Variants in CPSF2 observed in about 807,000 individuals in gnomAD.
CPSF2 encodes the protein cleavage and polyadenylation specificity factor subunit 2.
In CPSF2, 51 loss-of-function variants were observed where a neutral mutation model predicts 84.2. The ratio of observed to expected loss-of-function variants is 0.61; its 90% CI spans 0.48 to 0.77. The LOEUF (loss-of-function observed/expected upper bound fraction) is 0.77. Ranked by LOEUF, CPSF2 falls within the 30% of genes least tolerant of loss-of-function variation. The pLI is 0.00. For missense variants in CPSF2, 641 were observed against 929.4 expected (o/e 0.69, Z 4.03); for synonymous variants, 286 against 311.9 (o/e 0.92, Z 0.87).
At chr14:92,133,028 C>T (rs2068953125) in intron 3 of CPSF2, among the ~76,000 whole-genome samples, 2 of 151,132 alleles carry the variant, frequency 1.3e-5, no homozygotes, top group African/African-American at 2.4e-5. Flanking sequence ...CGGTGGAGGT[C>T]GCAGTGAGCC....
chr14:92,154,286 C>A, intron 9 of CPSF2, 72 bp from the exon 10 acceptor site: 1 of 1,025,226 alleles, frequency 9.8e-7, no homozygotes, highest in Non-Finnish European at 1.4e-6. Context: ...TGTGATGTAT[C>A]TCATATCCCA....
chr14:92,124,540 CAT>C (rs1344192784), intron 1 of CPSF2, among the ~76,000 whole-genome samples: 3 of 152,146 alleles, frequency 2.0e-5, no homozygotes, highest in African/African-American at 7.2e-5. Context: ...TAGTCTGAGA[CAT>C]GTACATAAAC....
At chr14:92,125,386 G>A (rs2068832683) in intron 1 of CPSF2, among the ~76,000 whole-genome samples, 1 of 152,150 alleles carries the variant, frequency 6.6e-6, no homozygotes, top group Non-Finnish European at 1.5e-5. Flanking sequence ...TCATGTCGCA[G>A]AGCTATAAAA....
At chr14:92,139,741 G>A (rs35275430) in intron 7 of CPSF2, among the ~76,000 whole-genome samples, 24,617 of 151,058 alleles carry the variant, frequency 0.16, 2,241 homozygotes, top group East Asian at 0.41. Context: ...GTTTCGCCAT[G>A]TTGGCCAGGC....
At chr14:92,147,087 AC>A (rs1372132228) in intron 9 of CPSF2, among the ~76,000 whole-genome samples, 1 of 152,038 alleles carries the variant, frequency 6.6e-6, no homozygotes, top group Non-Finnish European at 1.5e-5. Context: ...TCCTCTTCCC[AC>A]CATCAACTAG....
At chr14:92,122,592 C>T (rs2068786965) in intron 1 of CPSF2, among the ~76,000 whole-genome samples, 1 of 152,238 alleles carries the variant, frequency 6.6e-6, no homozygotes, top group African/African-American at 2.4e-5. Context: ...AGAGACCTTT[C>T]GGTTGTTTGT....
chr14:92,135,842 C>T lies in CPSF2; in HGVS notation c.545+346C>T, dbSNP rs565503185. Among the ~76,000 whole-genome samples, 11 of 152,250 alleles carry T rather than the reference C, an allele frequency of 7.2e-5. No homozygotes were observed. In the South Asian group the frequency reaches 1.7e-3, roughly 23 times the overall value. ...GATGGGTTGTTCTTTTGTTTTGTAA[C>T]GTGATATGGTTTGGCTCTGTGTCCC... On this transcript the variant is annotated intron_variant, in intron 6 of 15. Coordinates refer to ENST00000298875, the MANE Select transcript of CPSF2 (RefSeq NM_017437.3).
intron 15 of CPSF2, 82 bp from the exon 16 acceptor site, chr14:92,161,570 C>G: frequency 1.1e-6 from 1 of 928,792 alleles, no homozygotes; most frequent in Non-Finnish European, 1.6e-6. Flanking sequence ...ATAAAGTAAT[C>G]TATTTCATAT....
At chr14:92,127,005 C>CA (rs2068852804) in intron 2 of CPSF2, among the ~76,000 whole-genome samples, 1 of 152,054 alleles carries the variant, frequency 6.6e-6, no homozygotes, top group African/African-American at 2.4e-5. Flanking sequence ...GGACAGTGAG[C>CA]TTATTTAATA....
At position 92,159,246 on chromosome 14, in the gene CPSF2, G is replaced by A. The variant is rs1446204009; in HGVS notation, c.2085G>A (p.Glu695=). The change falls in exon 14 of 16, where the codon GAG becomes GAA. Residue 695 remains glutamate (E), a synonymous_variant. Transcript: ENST00000298875. ...DDEKETGEES[E]IIPTLEPLPP... is the part of the protein sequence containing the mutation. ...AAAAAGAAACAGGTGAAGAAAGTGA[G>A]ATCATTCCTACTTTGGAACCCTTGC... The A allele has an allele frequency of 1.2e-6, 2 of 1,610,402 alleles. No individual in the cohort carries two copies. Among genetic ancestry groups the A allele is most frequent in the Non-Finnish European group, 1.7e-6 (2 of 1,177,886 alleles).
intron 7 of CPSF2, among the ~76,000 whole-genome samples, chr14:92,140,225 T>C (rs984880395): frequency 1.3e-5 from 2 of 151,958 alleles, no homozygotes; most frequent in African/African-American, 4.8e-5. Flanking sequence ...GTGCTGGGAT[T>C]ACAGGCGTGA....
rs1045076270 is a variant in CPSF2 at position 92,156,378 on chromosome 14, A to G, written c.1443-101A>G. The G allele has an allele frequency of 1.1e-5, 9 of 789,762 alleles. No individual in the cohort carries two copies. The African/African-American group carries it at 1.6e-4, about 14-fold the overall frequency. The allele number at this position is 789,762 out of a possible 1,614,324, so 48.9% of individuals were successfully genotyped here. On this transcript the variant is annotated intron_variant, in intron 11 of 15. Transcript: ENST00000298875. ...GGATGAAATGTATATTTAAATCTTG[A>G]GATATGTGAGGACTCCAAAAATTAT...
chr14:92,168,680 C>G lies in CPSF2; in HGVS notation c.*6936C>G, dbSNP rs1488273488. 1.3e-5 allele frequency: 2 copies of G among 152,116 alleles called. No individual in the cohort carries two copies. The highest frequency in any genetic ancestry group is 2.9e-5 in the Non-Finnish European group (2 of 68,042). 9.4% of individuals were successfully genotyped at this position (152,116 alleles called of 1,614,324 possible). A position where few individuals can be genotyped will look rare whatever the true frequency, so the allele number is the denominator to read the frequency against. On this transcript the variant is annotated 3_prime_UTR_variant, in exon 16 of 16. Transcript: ENST00000298875. ...ACTTTGGGAGGCCAAGGCAGGCATACTGCTTGAACTCAGGAGTTCAAGACC... is the reference window on the plus strand; with the variant it reads ...ACTTTGGGAGGCCAAGGCAGGCATAGTGCTTGAACTCAGGAGTTCAAGACC...
chr14:92,146,602 T>C (rs189727898), intron 9 of CPSF2, among the ~76,000 whole-genome samples: 20 of 152,352 alleles, frequency 1.3e-4, no homozygotes, highest in Admixed American at 1.3e-3. Flanking sequence ...TATATGTACA[T>C]TGTTGTATGA....
rs1264639295 is a variant in CPSF2 at position 92,142,156 on chromosome 14, T to C, written c.662-8T>C. On this transcript the variant is annotated splice_polypyrimidine_tract_variant and splice_region_variant and intron_variant, in intron 7 of 15. Transcript: ENST00000298875. Reference sequence around the variant, plus strand: ...GTTCTATGGGGATTTTACATTCTTGTTTTCTAGCAAATGTCCTGGAAACAC... The same window carrying C: ...GTTCTATGGGGATTTTACATTCTTGCTTTCTAGCAAATGTCCTGGAAACAC... 2 of 1,584,930 alleles carry C rather than the reference T, an allele frequency of 1.3e-6. No homozygotes were observed. The highest frequency in any genetic ancestry group is 1.7e-6 in the Non-Finnish European group (2 of 1,161,900).
intron 9 of CPSF2, among the ~76,000 whole-genome samples, chr14:92,152,424 C>T (rs948814615): frequency 2.0e-5 from 3 of 151,100 alleles, no homozygotes; most frequent in South Asian, 2.1e-4. Context: ...CCGTCGCGCC[C>T]GGCCTATTAT....
intron 9 of CPSF2, 87 bp downstream of exon 9, chr14:92,143,381 C>A: frequency 1.1e-6 from 1 of 939,784 alleles, no homozygotes. Flanking sequence ...AAAAATAAAA[C>A]TTGAAATTGT....
chr14:92,126,769 A>G (rs1393823058), intron 2 of CPSF2, among the ~76,000 whole-genome samples: 1 of 152,170 alleles, frequency 6.6e-6, no homozygotes, highest in Non-Finnish European at 1.5e-5. Flanking sequence ...GCACCACTGC[A>G]CTCCAGCCTG....
chr14:92,153,669 A>G (rs2069249809), intron 9 of CPSF2, among the ~76,000 whole-genome samples: 1 of 149,614 alleles, frequency 6.7e-6, no homozygotes, highest in Non-Finnish European at 1.5e-5. Context: ...GTCTCTGAGT[A>G]GCTGGGACTA....
Sources: allele counts gnomAD v4.1 joint callset (sites outside exome capture counted in the v4.1 genomes callset), GRCh38; gene constraint gnomAD v4.1.1; transcripts MANE v1.5; gene names NCBI Gene and HGNC (gene_info 2026-07-23, HGNC 2026-07-21).